Variants in EPM2A observed in about 807,000 individuals in gnomAD.
The protein encoded by EPM2A is laforin.
A neutral mutation model predicts 26.5 loss-of-function variants in EPM2A; 21 were observed. That is an observed-to-expected ratio of 0.79 (90% CI 0.56 to 1.14). EPM2A has a LOEUF of 1.14. Ranked by LOEUF, EPM2A falls within the 50% of genes most tolerant of loss-of-function variation. EPM2A has a pLI of 0.00. For missense variants in EPM2A, 458 were observed against 440.8 expected (o/e 1.04, Z -0.35); for synonymous variants, 217 against 177.6 (o/e 1.22, Z -1.76).
At position 145,627,372 on chromosome 6, in the gene EPM2A, G is replaced by C; in HGVS notation, c.*44C>G. ...AGGTCATTTGACCAACATCATCCCA[G>C]GCTCCTTAGGGAAATCAGGAGGGGG... On this transcript the variant is annotated 3_prime_UTR_variant, in exon 4 of 4. Transcript: ENST00000367519. 1 of 1,612,198 alleles carries C rather than the reference G, an allele frequency of 6.2e-7. No individual in the cohort carries two copies. The highest frequency in any genetic ancestry group is 8.5e-7 in the Non-Finnish European group (1 of 1,180,010).
intron 4 of EPM2A, among the ~76,000 whole-genome samples, chr6:145,435,873 C>A (rs113596120): frequency 6.6e-6 from 1 of 152,082 alleles, no homozygotes; most frequent in African/African-American, 2.4e-5. Flanking sequence ...TTTTTATACC[C>A]CTGTGCACAC....
At chr6:145,398,102 T>C (rs928925119) in intron 4 of EPM2A, among the ~76,000 whole-genome samples, 1 of 152,172 alleles carries the variant, frequency 6.6e-6, no homozygotes. Flanking sequence ...AGAAATTTTA[T>C]GTATTTTAGA....
intron 4 of EPM2A, among the ~76,000 whole-genome samples, chr6:145,473,700 G>A (rs1386620234): frequency 6.6e-6 from 1 of 152,128 alleles, no homozygotes; most frequent in Non-Finnish European, 1.5e-5. Context: ...TGGAGCTCCA[G>A]TACATCAGGC....
intron 2 of EPM2A, among the ~76,000 whole-genome samples, chr6:145,570,858 A>C (rs1006698876): frequency 1.4e-4 from 21 of 152,120 alleles, no homozygotes; most frequent in Admixed American, 1.1e-3. Context: ...TCCGTTGTGG[A>C]GTAGTAGACT....
intron 2 of EPM2A, among the ~76,000 whole-genome samples, chr6:145,539,846 C>T (rs1780482868): frequency 6.6e-6 from 1 of 152,118 alleles, no homozygotes; most frequent in African/African-American, 2.4e-5. Context: ...CTAAGTACAC[C>T]TTTCAAAGGA....
intron 4 of EPM2A, among the ~76,000 whole-genome samples, chr6:145,400,965 A>G (rs558240028): frequency 4.6e-5 from 7 of 152,272 alleles, no homozygotes; most frequent in East Asian, 3.9e-4. Context: ...CCATAAAACA[A>G]TGTTCCTGCA....
intron 4 of EPM2A, among the ~76,000 whole-genome samples, chr6:145,486,133 C>G (rs1419267067): frequency 6.6e-6 from 1 of 152,154 alleles, no homozygotes; most frequent in Non-Finnish European, 1.5e-5. Flanking sequence ...AGGGCAGCAA[C>G]TGCTGCCAAT....
At chr6:145,465,521 G>A (rs1227230555) in intron 4 of EPM2A, among the ~76,000 whole-genome samples, 1 of 85,546 alleles carries the variant, frequency 1.2e-5, no homozygotes, top group Non-Finnish European at 2.3e-5. Context: ...GAGGAACTGC[G>A]TTCCTTTGGA....
chr6:145,481,494 T>C (rs1582788814), intron 4 of EPM2A, among the ~76,000 whole-genome samples: 1 of 151,962 alleles, frequency 6.6e-6, no homozygotes, highest in Non-Finnish European at 1.5e-5. Flanking sequence ...AAATGCTAGG[T>C]TTTGCTCATC....
chr6:145,610,231 T>A (rs923852785), intron 2 of EPM2A, among the ~76,000 whole-genome samples: 3 of 149,724 alleles, frequency 2.0e-5, no homozygotes, highest in African/African-American at 2.5e-5. Context: ...AAAAAAAAAA[T>A]TTGGAGAGAG....
At chr6:145,424,776 G>T (rs1447548648) in intron 4 of EPM2A, among the ~76,000 whole-genome samples, 1 of 152,162 alleles carries the variant, frequency 6.6e-6, no homozygotes, top group Non-Finnish European at 1.5e-5. Context: ...ACGTGAGGAT[G>T]CAGAGAAAAG....
rs374420223 is a variant in EPM2A, at chr6:145,527,915, T to G, written c.341-25340A>C. Among the ~76,000 whole-genome samples the G allele has an allele frequency of 3.3e-5, 5 of 151,810 alleles. No homozygotes were observed. The East Asian group carries it at 9.7e-4, about 29-fold the overall frequency. ...CAAAAAAAAAGTTATTAAAGAAAAC[T>G]AAAAATGCTACTCCAGGGAACACGC... On this transcript the variant is annotated intron_variant, in intron 2 of 3. Transcript: ENST00000450221.
intron 4 of EPM2A, among the ~76,000 whole-genome samples, chr6:145,415,197 G>C (rs1345290540): frequency 6.6e-6 from 1 of 152,218 alleles, no homozygotes; most frequent in Non-Finnish European, 1.5e-5. Flanking sequence ...TCATTGGCTA[G>C]AACAGAACAC....
intron 1 of EPM2A, among the ~76,000 whole-genome samples, chr6:145,722,462 T>C (rs1380164463): frequency 6.6e-6 from 1 of 152,102 alleles, no homozygotes; most frequent in Non-Finnish European, 1.5e-5. Flanking sequence ...ACAAAGAACT[T>C]CTCCCTAATA....
chr6:145,732,299 TA>T (rs776099970), intron 1 of EPM2A, among the ~76,000 whole-genome samples: 5 of 151,134 alleles, frequency 3.3e-5, no homozygotes, highest in African/African-American at 4.9e-5. Context: ...TCCTCTCATA[TA>T]GGGGTAACTT....
At chr6:145,468,200 G>A (rs539654191) in intron 4 of EPM2A, among the ~76,000 whole-genome samples, 1 of 151,896 alleles carries the variant, frequency 6.6e-6, no homozygotes, top group Non-Finnish European at 1.5e-5. Context: ...ATGTCCCAGG[G>A]TTTCGAATTT....
chr6:145,707,406 G>A (rs770153867), intron 1 of EPM2A, among the ~76,000 whole-genome samples: 9 of 152,134 alleles, frequency 5.9e-5, no homozygotes, highest in Non-Finnish European at 1.0e-4. Context: ...TATTTTATAG[G>A]AACTAGGAAA....
rs1179064700 is a variant in EPM2A at position 145,635,273 on chromosome 6, C to A, written c.690G>T (p.Trp230Cys). The A allele has an allele frequency of 1.9e-6, 3 of 1,614,154 alleles. No individual in the cohort carries two copies. Among genetic ancestry groups the A allele is most frequent in the Non-Finnish European group, 2.5e-6 (3 of 1,180,008 alleles). ...LYREEGLAYI[W>C]MPTPDMSTEG... ...CGGTGCTCATATCTGGTGTTGGCAT[C>A]CAGATGTAGGCCAAGCCTTCTTCCC... Residue 230 changes from tryptophan to cysteine, a missense_variant, in exon 3 of 4, where the codon TGG becomes TGT. Trp to Cys is a radical substitution (Grantham distance 215). Transcript: ENST00000367519.
At chr6:145,718,249 T>C (rs1187572383) in intron 1 of EPM2A, among the ~76,000 whole-genome samples, 1 of 150,316 alleles carries the variant, frequency 6.7e-6, no homozygotes, top group Non-Finnish European at 1.5e-5. Context: ...CAAAACAGCA[T>C]GGTACTGGTA....
Sources: gnomAD v4.1 joint callset for allele counts (sites outside exome capture counted in the v4.1 genomes callset) on GRCh38, gnomAD v4.1.1 for gene constraint, MANE v1.5 for transcripts, NCBI Gene and HGNC (gene_info 2026-07-23, HGNC 2026-07-21) for gene names.